IGSF21: variants seen among roughly 807,000 people sequenced by gnomAD.
IGSF21 encodes immunoglobin superfamily member 21.
IGSF21 carries 28 observed loss-of-function variants against 46.8 expected under a neutral mutation model. The ratio of observed to expected loss-of-function variants is 0.60; its 90% confidence interval spans 0.44 to 0.82. The LOEUF is 0.82. Ranked by LOEUF, IGSF21 falls within the 40% of genes least tolerant of loss-of-function variation. The pLI, the probability that IGSF21 is intolerant of heterozygous loss-of-function variation, is 0.00. For synonymous variants in IGSF21, 284 were observed against 273.6 expected (o/e 1.04, Z -0.38); for missense variants, 624 against 665.5 (o/e 0.94, Z 0.69).
intron 4 of IGSF21, among the ~76,000 whole-genome samples, chr1:18,359,387 G>GAA (rs1557659651): frequency 5.9e-5 from 2 of 33,858 alleles, no homozygotes; most frequent in Non-Finnish European, 5.9e-5. Context: ...AGAAAGAAAG[G>GAA]AAGGAAGGAA....
intron 1 of IGSF21, among the ~76,000 whole-genome samples, chr1:18,156,202 G>A (rs2086566833): frequency 6.6e-6 from 1 of 152,152 alleles, no homozygotes; most frequent in African/African-American, 2.4e-5. Flanking sequence ...CACTTCCAGG[G>A]GTTGGAGTGT....
Position 18,323,972 on chromosome 1 carries a change from C to T in IGSF21, c.306-10920C>T, listed in dbSNP as rs553279616. On this transcript the variant is annotated intron_variant, in intron 3 of 9. Coordinates refer to ENST00000251296, the MANE Select transcript of IGSF21 (RefSeq NM_032880.5). ...CAGCTCTTAGGTAGTGGGGCTTTTC[C>T]GGAGGCTCCAGGCCCCCTGTCCAGC... Among the ~76,000 whole-genome samples the T allele has an allele frequency of 3.9e-5, 6 of 152,174 alleles. No homozygotes were observed. The East Asian group carries it at 5.8e-4, about 15-fold the overall frequency.
chr1:18,210,034 G>A (rs2084373309), intron 1 of IGSF21, among the ~76,000 whole-genome samples: 1 of 152,182 alleles, frequency 6.6e-6, no homozygotes, highest in African/African-American at 2.4e-5. Flanking sequence ...GCCTTCAGCA[G>A]GACGAAGTTA....
intron 1 of IGSF21, among the ~76,000 whole-genome samples, chr1:18,180,124 T>C (rs1420201041): frequency 1.3e-5 from 2 of 152,190 alleles, no homozygotes; most frequent in East Asian, 3.9e-4. Flanking sequence ...CTTAATTTTC[T>C]CCATAGCACT....
intron 2 of IGSF21, among the ~76,000 whole-genome samples, chr1:18,289,144 T>C (rs1226895367): frequency 6.6e-6 from 1 of 152,170 alleles, no homozygotes; most frequent in African/African-American, 2.4e-5. Context: ...CAGATTTTTT[T>C]CTCTTTTGTG....
intron 1 of IGSF21, among the ~76,000 whole-genome samples, chr1:18,108,985 A>AGTGTGTGTGTGTGTGTGTGTGTGT (rs10686337): frequency 0.015 from 1,940 of 127,778 alleles, 30 homozygotes; most frequent in Non-Finnish European, 0.019. Flanking sequence ...TGAGCAGCTC[A>AGTGTGTGTGTGTGTGTGTGTGTGT]GTGTGTGTGT....
chr1:18,166,102 A>G lies in IGSF21; in HGVS notation c.70+57904A>G, dbSNP rs561265149. 2.6e-5 allele frequency among the ~76,000 whole-genome samples: 4 copies of G among 152,340 alleles called. No individual in the cohort carries two copies. The East Asian group carries it at 7.7e-4, about 29-fold the overall frequency. The stretch of plus-strand genomic sequence containing the variant: ...GAAAGTAAAAATGGCCTTGCTGAAG[A>G]AATTAAATTTATGTTCAAGTGCTAT... On this transcript the variant is annotated intron_variant, in intron 1 of 9. Transcript: ENST00000251296.
chr1:18,341,312 A>G (rs1361332085), intron 4 of IGSF21, among the ~76,000 whole-genome samples: 1 of 151,698 alleles, frequency 6.6e-6, no homozygotes, highest in Non-Finnish European at 1.5e-5. Flanking sequence ...ACTCACCCTA[A>G]TCCAGTGTGA....
chr1:18,328,377 A>G (rs513728), intron 3 of IGSF21, among the ~76,000 whole-genome samples: 17,339 of 152,224 alleles, frequency 0.11, 2,736 homozygotes, highest in African/African-American at 0.35. Flanking sequence ...TAAATACCAT[A>G]CTGAAATTGA....
At chr1:18,297,185 A>G (rs1202930306) in intron 3 of IGSF21, among the ~76,000 whole-genome samples, 1 of 151,828 alleles carries the variant, frequency 6.6e-6, no homozygotes, top group Non-Finnish European at 1.5e-5. Context: ...CCTCTCCCCA[A>G]CCCCCAGGAC....
intron 3 of IGSF21, among the ~76,000 whole-genome samples, chr1:18,314,424 T>C (rs2085520372): frequency 6.6e-6 from 1 of 152,224 alleles, no homozygotes; most frequent in Middle Eastern, 3.4e-3. Flanking sequence ...AGGTCGCCCA[T>C]TATAGATAAA....
intron 3 of IGSF21, among the ~76,000 whole-genome samples, chr1:18,310,211 T>A (rs928574323): frequency 2.0e-5 from 3 of 152,214 alleles, no homozygotes; most frequent in Non-Finnish European, 2.9e-5. Context: ...AAATATAACA[T>A]ACACACAGTT....
intron 1 of IGSF21, among the ~76,000 whole-genome samples, chr1:18,133,000 A>G (rs1324528111): frequency 1.3e-5 from 2 of 151,874 alleles, no homozygotes; most frequent in Non-Finnish European, 2.9e-5. Context: ...TAAATTTTTA[A>G]CCTAAATAGA....
chr1:18,302,187 C>T (rs2085369162), intron 3 of IGSF21, among the ~76,000 whole-genome samples: 1 of 151,506 alleles, frequency 6.6e-6, no homozygotes, highest in Non-Finnish European at 1.5e-5. Context: ...GCCCAAGCTC[C>T]AATGCTCAGC....
intron 1 of IGSF21, among the ~76,000 whole-genome samples, chr1:18,181,609 C>T (rs948615268): frequency 6.6e-6 from 1 of 152,198 alleles, no homozygotes; most frequent in Non-Finnish European, 1.5e-5. Flanking sequence ...TGGAAAGACA[C>T]CCATCCTATC....
chr1:18,259,880 C>A (rs1257613485), intron 2 of IGSF21, among the ~76,000 whole-genome samples: 1 of 152,114 alleles, frequency 6.6e-6, no homozygotes, highest in Non-Finnish European at 1.5e-5. Flanking sequence ...AGTTCTTGGG[C>A]AGTAGGGGCA....
rs186103202 is a variant in IGSF21 at position 18,206,503 on chromosome 1, C to T, written c.71-21395C>T. Among the ~76,000 whole-genome samples the T allele has an allele frequency of 3.7e-3, 551 of 150,318 alleles. 8 individuals carry two copies. The highest frequency in any genetic ancestry group is 4.9e-3 in the Non-Finnish European group (331 of 67,826). ...GTTCAAGGCTGCGGCGAGCCATGATCGCACCACTGCATTCTGGCCTAGGTA... is the reference window on the plus strand; with the variant it reads ...GTTCAAGGCTGCGGCGAGCCATGATTGCACCACTGCATTCTGGCCTAGGTA... On this transcript the variant is annotated intron_variant, in intron 1 of 9. Coordinates refer to ENST00000251296, the MANE Select transcript of IGSF21 (RefSeq NM_032880.5).
At chr1:18,231,590 C>T (rs566425474) in intron 2 of IGSF21, among the ~76,000 whole-genome samples, 26 of 152,162 alleles carry the variant, frequency 1.7e-4, no homozygotes, top group Non-Finnish European at 2.9e-4. Flanking sequence ...ACCAGTCACA[C>T]GTGGATGTTA....
intron 1 of IGSF21, among the ~76,000 whole-genome samples, chr1:18,201,088 G>A (rs771007349): frequency 3.3e-5 from 5 of 152,210 alleles, no homozygotes; most frequent in Non-Finnish European, 7.3e-5. Context: ...GAGACCCACT[G>A]AGCTGGTCCT....
Sources: allele counts gnomAD v4.1 joint callset (sites outside exome capture counted in the v4.1 genomes callset), GRCh38; gene constraint gnomAD v4.1.1; transcripts MANE v1.5; gene names NCBI Gene and HGNC (gene_info 2026-07-23, HGNC 2026-07-21).